Variants in DOK6 observed in about 807,000 individuals in gnomAD.
DOK6 encodes downstream of tyrosine kinase 6.
In DOK6, 22 loss-of-function variants were observed where a neutral mutation model predicts 44.0. The ratio of observed to expected loss-of-function variants is 0.50; its 90% confidence interval spans 0.36 to 0.71. The LOEUF (loss-of-function observed/expected upper bound fraction) is 0.71, where lower values mean the gene tolerates loss of function less well. Among genes scored for constraint, DOK6 ranks in the 30% least tolerant of loss-of-function variants. DOK6 has a pLI of 0.00. For synonymous variants in DOK6, 166 were observed against 145.5 expected (o/e 1.14, Z -1.01); for missense variants, 340 against 416.4 (o/e 0.82, Z 1.60).
chr18:69,464,655 A>G (rs956817140), intron 1 of DOK6, among the ~76,000 whole-genome samples: 1 of 152,258 alleles, frequency 6.6e-6, no homozygotes, highest in African/African-American at 2.4e-5. Context: ...TGTAGCTAAA[A>G]CACTGCGGAT....
intron 7 of DOK6, among the ~76,000 whole-genome samples, chr18:69,793,445 G>T (rs182064173): frequency 6.6e-6 from 1 of 152,066 alleles, no homozygotes. Flanking sequence ...GTTGATTACC[G>T]CACCAGAGTT....
chr18:69,487,090 G>A (rs1980598140), intron 1 of DOK6, among the ~76,000 whole-genome samples: 2 of 151,882 alleles, frequency 1.3e-5, no homozygotes, highest in Non-Finnish European at 1.5e-5. Flanking sequence ...GAGAGTGAAT[G>A]GAAGATGCAC....
rs540156875 is a variant in DOK6 at position 69,798,003 on chromosome 18, T to G, written c.856+40130T>G. Among the ~76,000 whole-genome samples, 9 of 152,242 alleles carry G rather than the reference T, an allele frequency of 5.9e-5. No individual in the cohort carries two copies. The South Asian group carries it at 1.9e-3, about 32-fold the overall frequency. On this transcript the variant is annotated intron_variant, in intron 7 of 7. Transcript: ENST00000382713. Reference sequence around the variant, plus strand: ...CCGAATCTAATCAAGACTCTATATCTGCTACTAATTTTCAGGAATATAGAG... The same window carrying G: ...CCGAATCTAATCAAGACTCTATATCGGCTACTAATTTTCAGGAATATAGAG...
chr18:69,581,970 T>A (rs915071388), intron 2 of DOK6, among the ~76,000 whole-genome samples: 7 of 152,198 alleles, frequency 4.6e-5, no homozygotes, highest in African/African-American at 1.7e-4. Context: ...TGCTGCCTCT[T>A]AACAGCATCA....
At chr18:69,729,177 TCA>T (rs1978332030) in intron 5 of DOK6, among the ~76,000 whole-genome samples, 1 of 152,216 alleles carries the variant, frequency 6.6e-6, no homozygotes, top group African/African-American at 2.4e-5. Context: ...ATGTACACAT[TCA>T]TATATATACA....
At chr18:69,610,784 G>T (rs893452976) in intron 3 of DOK6, among the ~76,000 whole-genome samples, 1 of 152,148 alleles carries the variant, frequency 6.6e-6, no homozygotes, top group African/African-American at 2.4e-5. Context: ...TAAGTAATCA[G>T]GATGCACTTT....
intron 5 of DOK6, among the ~76,000 whole-genome samples, chr18:69,732,895 T>C (rs1336076242): frequency 6.6e-6 from 1 of 152,216 alleles, no homozygotes; most frequent in Non-Finnish European, 1.5e-5. Flanking sequence ...AGAAGAATTA[T>C]CCGAGACCGG....
rs1210856089 is a variant in DOK6 at position 69,693,677 on chromosome 18, T to C, written c.410-4727T>C. ...GTCAGAAATCCCCATCTCTGATCCT[T>C]TGCTTCTCCAGGCAACTGCGAGATC... On this transcript the variant is annotated intron_variant, in intron 4 of 7. Transcript: ENST00000382713. 2.6e-5 allele frequency among the ~76,000 whole-genome samples: 4 copies of C among 152,126 alleles called. No homozygotes were observed. The East Asian group carries it at 5.8e-4, about 22-fold the overall frequency.
intron 6 of DOK6, among the ~76,000 whole-genome samples, chr18:69,755,578 C>T (rs751840798): frequency 2.0e-5 from 3 of 152,282 alleles, no homozygotes; most frequent in African/African-American, 4.8e-5. Context: ...GCTTTAAAGA[C>T]GAAAGTCCTA....
chr18:69,402,983 G>A (rs187981882), intron 1 of DOK6, among the ~76,000 whole-genome samples: 2 of 152,334 alleles, frequency 1.3e-5, no homozygotes, highest in African/African-American at 4.8e-5. Context: ...GGGAGGTGCA[G>A]AGCTGGAGGT....
At chr18:69,642,748 C>A (rs1047814412) in intron 3 of DOK6, among the ~76,000 whole-genome samples, 5 of 152,116 alleles carry the variant, frequency 3.3e-5, no homozygotes, top group Non-Finnish European at 7.4e-5. Context: ...CAGCCTGACA[C>A]GAGAAGGTAC....
chr18:69,509,598 G>C (rs564098241), intron 1 of DOK6, among the ~76,000 whole-genome samples: 2 of 133,172 alleles, frequency 1.5e-5, no homozygotes, highest in Non-Finnish European at 3.0e-5. Context: ...AGATCGCGCC[G>C]CTGCACTCCA....
At position 69,773,013 on chromosome 18, in the gene DOK6, T is replaced by C. The variant is rs1599317553; in HGVS notation, c.856+15140T>C. ...CAATAGCAAAAAACACCTACACTAA[T>C]TTAATTTTTAAAACAGCAAAGGACT... On this transcript the variant is annotated intron_variant, in intron 7 of 7. Transcript: ENST00000382713. 3.3e-5 allele frequency among the ~76,000 whole-genome samples: 5 copies of C among 152,068 alleles called. 1 individual carries two copies. The highest frequency in any genetic ancestry group is 3.3e-4 in the Admixed American group (5 of 15,224).
In DOK6 at chr18:69,617,183, G is replaced by A. The variant is rs1411888249; in HGVS notation, c.289+17685G>A. ...CAAAACAGAGCCTTAGGCTGGGAGTGGTGGCTCACGCCTGTAATTTCAACA... is the reference window on the plus strand; with the variant it reads ...CAAAACAGAGCCTTAGGCTGGGAGTAGTGGCTCACGCCTGTAATTTCAACA... On this transcript the variant is annotated intron_variant, in intron 3 of 7. Transcript: ENST00000382713. Among the ~76,000 whole-genome samples the A allele has an allele frequency of 3.9e-5, 6 of 152,216 alleles. No individual in the cohort carries two copies. In the East Asian group the frequency reaches 5.8e-4, roughly 15 times the overall value.
chr18:69,820,992 C>G (rs1045482135), intron 7 of DOK6, among the ~76,000 whole-genome samples: 65 of 151,970 alleles, frequency 4.3e-4, no homozygotes, highest in Non-Finnish European at 1.5e-5. Context: ...ACAAAACTCC[C>G]CATGACAAAA....
chr18:69,440,117 G>T (rs1190271208), intron 1 of DOK6, among the ~76,000 whole-genome samples: 1 of 152,140 alleles, frequency 6.6e-6, no homozygotes, highest in Admixed American at 6.6e-5. Flanking sequence ...AATCTGGAAG[G>T]TCTGAGAAGA....
At chr18:69,698,866 G>A (rs1197339298) in intron 5 of DOK6, among the ~76,000 whole-genome samples, 3 of 152,046 alleles carry the variant, frequency 2.0e-5, no homozygotes, top group Non-Finnish European at 4.4e-5. Flanking sequence ...TTTTAATAAT[G>A]TAATATGTTT....
intron 5 of DOK6, among the ~76,000 whole-genome samples, chr18:69,714,082 A>T (rs949655218): frequency 1.3e-5 from 2 of 152,176 alleles, no homozygotes; most frequent in Admixed American, 6.5e-5. Flanking sequence ...CGTGCTGGTG[A>T]GAAAACTCCT....
intron 7 of DOK6, among the ~76,000 whole-genome samples, chr18:69,762,447 A>G (rs1979591544): frequency 6.6e-6 from 1 of 152,218 alleles, no homozygotes; most frequent in Admixed American, 6.5e-5. Context: ...ATCGTCAGCC[A>G]ACTGTCATCA....
Sources: allele counts gnomAD v4.1 joint callset (sites outside exome capture counted in the v4.1 genomes callset), GRCh38; gene constraint gnomAD v4.1.1; transcripts MANE v1.5; gene names NCBI Gene and HGNC (gene_info 2026-07-23, HGNC 2026-07-21).